CEP57L1: variants seen among roughly 807,000 people sequenced by gnomAD.
CEP57L1 encodes centrosomal protein CEP57L1.
Under a neutral mutation model 61.0 loss-of-function variants are expected in CEP57L1, and 37 were observed. That is an observed-to-expected ratio of 0.61 (90% CI 0.47 to 0.80). The LOEUF is 0.80. CEP57L1 is among the 30% of genes least tolerant of loss of function. CEP57L1 has a pLI of 0.00. For missense variants in CEP57L1, 422 were observed against 524.7 expected, an observed-to-expected ratio of 0.80 and a Z score of 1.91; for synonymous variants, 137 against 162.3, an observed-to-expected ratio of 0.84 and a Z score of 1.19.
rs142318006 is a variant in CEP57L1 at position 109,173,522 on chromosome 6, T to C, written c.*10552T>C. ...TCACTGCAACCTCAAACTCTTGGGC[T>C]TAAGCAGTCCTCCTGCCTCTGCCTC... is the stretch of plus-strand genomic sequence containing the variant. On this transcript the variant is annotated 3_prime_UTR_variant, in exon 11 of 11. Transcript: ENST00000517392. Among the ~76,000 whole-genome samples the C allele has an allele frequency of 2.0e-5, 3 of 150,804 alleles. No homozygotes were observed. In the East Asian group the frequency reaches 5.9e-4, roughly 30 times the overall value.
At chr6:109,139,505 C>T (rs1206836034) in intron 1 of CEP57L1, among the ~76,000 whole-genome samples, 9 of 150,670 alleles carry the variant, frequency 6.0e-5, no homozygotes, top group Non-Finnish European at 5.9e-5. Context: ...GAGATGGAGT[C>T]TCACTCTGTC....
At chr6:109,101,430 T>C (rs1380837468) in intron 1 of CEP57L1, among the ~76,000 whole-genome samples, 5 of 152,206 alleles carry the variant, frequency 3.3e-5, no homozygotes, top group Non-Finnish European at 7.3e-5. Flanking sequence ...ACAGTTTGCT[T>C]ATTCACCTTT....
At chr6:109,125,597 G>C (rs1773470045) in intron 1 of CEP57L1, among the ~76,000 whole-genome samples, 1 of 150,314 alleles carries the variant, frequency 6.7e-6, no homozygotes, top group South Asian at 2.1e-4. Flanking sequence ...AAAGAGAAAA[G>C]GGTGTGGTGG....
chr6:109,103,449 A>G (rs530374003), intron 1 of CEP57L1, among the ~76,000 whole-genome samples: 13 of 152,278 alleles, frequency 8.5e-5, no homozygotes, highest in African/African-American at 3.1e-4. Flanking sequence ...CCTTAACAAG[A>G]TTGATTTGAA....
Position 109,173,268 on chromosome 6 carries a change from A to G in CEP57L1, c.*10298A>G, listed in dbSNP as rs1341557123. Among the ~76,000 whole-genome samples the G allele has an allele frequency of 1.3e-5, 2 of 151,858 alleles. No homozygotes were observed. Among genetic ancestry groups the G allele is most frequent in the Non-Finnish European group, 2.9e-5 (2 of 67,976 alleles). On this transcript the variant is annotated 3_prime_UTR_variant, in exon 11 of 11. Transcript: ENST00000517392. ...CAAGTTATATTAATAATTTTTATTA[A>G]TTTTTTTCCTGAATCCTAAAAGGTC...
chr6:109,096,676 T>C (rs1230898788), intron 1 of CEP57L1, among the ~76,000 whole-genome samples: 1 of 152,226 alleles, frequency 6.6e-6, no homozygotes, highest in Non-Finnish European at 1.5e-5. Flanking sequence ...GATGAATTGG[T>C]CTAATTTCAA....
intron 1 of CEP57L1, among the ~76,000 whole-genome samples, chr6:109,102,825 T>G (rs1770482639): frequency 6.6e-6 from 1 of 152,196 alleles, no homozygotes; most frequent in South Asian, 2.1e-4. Flanking sequence ...TTCAAAACTG[T>G]TCCTTGAGAG....
intron 1 of CEP57L1, among the ~76,000 whole-genome samples, chr6:109,103,219 T>G (rs1046980506): frequency 6.6e-5 from 10 of 152,174 alleles, no homozygotes; most frequent in African/African-American, 2.4e-4. Flanking sequence ...TAAAGGAAAT[T>G]ATACTAATTA....
chr6:109,160,573 G>A lies in CEP57L1; in HGVS notation c.1018G>A (p.Glu340Lys), dbSNP rs139030777. 2,521 of 1,599,452 alleles carry A rather than the reference G, an allele frequency of 1.6e-3. 4 individuals carry two copies. The highest frequency in any genetic ancestry group is 7.8e-3 in the Middle Eastern group (47 of 6,008). The change falls in exon 10 of 11, where the codon GAG becomes AAG. Residue 340 changes from glutamate (E) to lysine (K), a missense_variant and splice_region_variant. Coordinates refer to ENST00000517392, the MANE Select transcript of CEP57L1 (RefSeq NM_001271852.3). ...MQDELDQMSM[E>K]HQELLKQMKE... The stretch of plus-strand genomic sequence containing the variant: ...TTAATATTTGCTATTCTTTCATAGG[G>A]AGCACCAAGAACTACTGAAACAAAT...
In CEP57L1 at chr6:109,159,119, T is replaced by G. The variant is rs776445211; in HGVS notation, c.822+17T>G. 1.9e-6 allele frequency: 3 copies of G among 1,613,922 alleles called. No individual in the cohort carries two copies. The African/African-American group carries it at 4.0e-5, about 22-fold the overall frequency. ...GCTGAAAAGGTGAGAGGGGATAAAATGAAGATAGTCGTTCAAAAAAACTCC... is the reference window on the plus strand; with the variant it reads ...GCTGAAAAGGTGAGAGGGGATAAAAGGAAGATAGTCGTTCAAAAAAACTCC... On this transcript the variant is annotated intron_variant, in intron 8 of 10. Coordinates refer to ENST00000517392, the MANE Select transcript of CEP57L1 (RefSeq NM_001271852.3).
chr6:109,122,074 A>G (rs187843584), intron 1 of CEP57L1, among the ~76,000 whole-genome samples: 23 of 152,326 alleles, frequency 1.5e-4, no homozygotes, highest in African/African-American at 4.8e-4. Context: ...ATTGGCCTCA[A>G]TTGAAGTCAG....
At position 109,117,816 on chromosome 6, in the gene CEP57L1, A is replaced by G. The variant is rs114513387; in HGVS notation, c.-4+22241A>G. ...TCTATATGGATACAAGGGAAGTTCA[A>G]TTGGAGCCATAATGATCTCTTACAT... On this transcript the variant is annotated intron_variant, in intron 1 of 10. Transcript: ENST00000517392. 8.8e-3 allele frequency among the ~76,000 whole-genome samples: 1,339 copies of G among 152,254 alleles called. 25 individuals carry two copies. The highest frequency in any genetic ancestry group is 0.03 in the African/African-American group (1,258 of 41,542).
At chr6:109,144,305 C>T (rs897204553) in intron 1 of CEP57L1, among the ~76,000 whole-genome samples, 2 of 152,098 alleles carry the variant, frequency 1.3e-5, no homozygotes, top group Non-Finnish European at 2.9e-5. Flanking sequence ...GGAAAATGTA[C>T]AACTCTCAAA....
At chr6:109,125,173 T>C (rs1225090939) in intron 1 of CEP57L1, 1 of 152,156 alleles carries the variant, frequency 6.6e-6, no homozygotes, top group African/African-American at 2.4e-5. Flanking sequence ...ATAATTAAAA[T>C]GCTATGATGC....
At chr6:109,122,684 C>T (rs1773110383) in intron 1 of CEP57L1, among the ~76,000 whole-genome samples, 1 of 152,080 alleles carries the variant, frequency 6.6e-6, no homozygotes, top group South Asian at 2.1e-4. Context: ...CACCTGTAAC[C>T]TCAGCTACTC....
At position 109,170,979 on chromosome 6, in the gene CEP57L1, T is replaced by G. The variant is rs1250839034; in HGVS notation, c.*8009T>G. Among the ~76,000 whole-genome samples the G allele has an allele frequency of 6.6e-6, 1 of 152,218 alleles. No homozygotes were observed. Among genetic ancestry groups the G allele is most frequent in the African/African-American group, 2.4e-5 (1 of 41,460 alleles). On this transcript the variant is annotated 3_prime_UTR_variant, in exon 11 of 11. Coordinates refer to ENST00000517392, the MANE Select transcript of CEP57L1 (RefSeq NM_001271852.3). Reference sequence around the variant, plus strand: ...AAAATAATTGATTTTTTAAAAAACTTATTCTATTTTATGTATATAACTTCT... The same window carrying G: ...AAAATAATTGATTTTTTAAAAAACTGATTCTATTTTATGTATATAACTTCT...
intron 1 of CEP57L1, among the ~76,000 whole-genome samples, chr6:109,114,968 A>T (rs1772110027): frequency 6.6e-6 from 1 of 152,186 alleles, no homozygotes; most frequent in Non-Finnish European, 1.5e-5. Context: ...CCATAAATAT[A>T]TACAATTATT....
rs61274603 is a variant in CEP57L1 at position 109,167,205 on chromosome 6, GT to G, written c.*4245del. 0.99 allele frequency among the ~76,000 whole-genome samples: 149,090 copies of G among 150,938 alleles called. 73,656 individuals are homozygous for G. Among genetic ancestry groups the G allele is most frequent in the South Asian group, 1 (4,742 of 4,742 alleles). ...TAACTTTGTCTTTCAATTCGTTTTTGTTTTTTTTTTCCTGTAAGGAGAATTA... is the reference window on the plus strand; with the variant it reads ...TAACTTTGTCTTTCAATTCGTTTTTGTTTTTTTTTCCTGTAAGGAGAATTA... On this transcript the variant is annotated 3_prime_UTR_variant, in exon 11 of 11. Coordinates refer to ENST00000517392, the MANE Select transcript of CEP57L1 (RefSeq NM_001271852.3).
chr6:109,099,530 ATTTATTTATTTATT>A (rs1459727008), intron 1 of CEP57L1, among the ~76,000 whole-genome samples: 1 of 148,930 alleles, frequency 6.7e-6, no homozygotes, highest in Non-Finnish European at 1.5e-5. Flanking sequence ...GGGTACTTTT[ATTTATTTATTTATT>A]TTTATTTATT....
Sources: allele counts gnomAD v4.1 joint callset (sites outside exome capture counted in the v4.1 genomes callset), GRCh38; gene constraint gnomAD v4.1.1; transcripts MANE v1.5; gene names NCBI Gene and HGNC (gene_info 2026-07-23, HGNC 2026-07-21).